The following BCKDHB variants were observed in gnomAD, a reference collection of about 807,000 sequenced individuals.
BCKDHB encodes branched chain keto acid dehydrogenase E1 subunit beta, also known as 2-oxoisovalerate dehydrogenase subunit beta, mitochondrial.
BCKDHB carries 41 observed loss-of-function variants against 48.5 expected under a neutral mutation model. The observed-to-expected ratio is 0.85, with a 90% CI of 0.66 to 1.10. The LOEUF (loss-of-function observed/expected upper bound fraction) is 1.10. Among genes scored for constraint, BCKDHB ranks in the 50% least tolerant of loss-of-function variants. The pLI is 0.00. For missense variants in BCKDHB, 496 were observed against 494.2 expected (o/e 1.00, Z -0.03); for synonymous variants, 201 against 174.8 (o/e 1.15, Z -1.18).
chr6:80,253,459 G>C (rs1174846344), intron 8 of BCKDHB, among the ~76,000 whole-genome samples: 1 of 152,128 alleles, frequency 6.6e-6, no homozygotes, highest in Non-Finnish European at 1.5e-5. Context: ...TTTCTGGAGA[G>C]AGTTTTATTT....
chr6:80,330,820 T>C (rs1364843400), intron 9 of BCKDHB, among the ~76,000 whole-genome samples: 1 of 152,032 alleles, frequency 6.6e-6, no homozygotes, highest in Admixed American at 6.5e-5. Context: ...CATTTGCTCC[T>C]AAAATACCCA....
intron 9 of BCKDHB, among the ~76,000 whole-genome samples, chr6:80,337,842 C>T (rs1546929): frequency 0.78 from 117,997 of 152,044 alleles, 46,161 homozygotes; most frequent in Admixed American, 0.84. Flanking sequence ...GATAATCCTA[C>T]AGGAAACGTA....
chr6:80,294,186 A>C (rs915676054), intron 9 of BCKDHB, among the ~76,000 whole-genome samples: 1 of 152,228 alleles, frequency 6.6e-6, no homozygotes, highest in African/African-American at 2.4e-5. Flanking sequence ...GCTGCGGCAG[A>C]GGAACATAAA....
At chr6:80,126,630 C>G (rs897370552) in intron 1 of BCKDHB, among the ~76,000 whole-genome samples, 2 of 151,852 alleles carry the variant, frequency 1.3e-5, no homozygotes, top group African/African-American at 4.8e-5. Flanking sequence ...GTGGGCCTTT[C>G]GATCGGGAGA....
chr6:80,343,525 A>T, intron 9 of BCKDHB, 139 bp from the exon 10 acceptor site: 1 of 947,300 alleles, frequency 1.1e-6, no homozygotes, highest in Admixed American at 2.4e-5. Flanking sequence ...TGCTTTTTTC[A>T]TATTACAGTA....
At chr6:80,198,459 C>A (rs554399410) in intron 6 of BCKDHB, among the ~76,000 whole-genome samples, 1 of 151,922 alleles carries the variant, frequency 6.6e-6, no homozygotes, top group East Asian at 1.9e-4. Flanking sequence ...TTTATTTAAA[C>A]ATATTAATCA....
intron 1 of BCKDHB, 97 bp downstream of exon 1, chr6:80,106,986 GCATCC>G (rs1324383708): frequency 7.0e-7 from 1 of 1,434,302 alleles, no homozygotes; most frequent in Non-Finnish European, 9.6e-7. Flanking sequence ...TGCAATCCTT[GCATCC>G]CAGCTTATTA....
chr6:80,210,742 G>C (rs377067949), intron 8 of BCKDHB, among the ~76,000 whole-genome samples: 3 of 152,020 alleles, frequency 2.0e-5, no homozygotes, highest in Non-Finnish European at 2.9e-5. Context: ...CACACCCTTC[G>C]TTCAGTTTCT....
At chr6:80,384,261 C>T in the BCKDHB span, among the ~76,000 whole-genome samples, 1 of 152,082 alleles carries the variant, frequency 6.6e-6, no homozygotes, top group Non-Finnish European at 1.5e-5. Context: ...GAGAGACTGG[C>T]CTAGCCTCCC....
intron 9 of BCKDHB, among the ~76,000 whole-genome samples, chr6:80,330,530 A>T (rs1006808180): frequency 3.3e-5 from 5 of 152,108 alleles, no homozygotes; most frequent in African/African-American, 9.7e-5. Flanking sequence ...ATACTTGGAG[A>T]TGTTTTTGCA....
At chr6:80,205,631 A>G (rs1266493272) in intron 8 of BCKDHB, among the ~76,000 whole-genome samples, 3 of 152,064 alleles carry the variant, frequency 2.0e-5, no homozygotes, top group African/African-American at 7.2e-5. Context: ...CAAGGGAGTT[A>G]AAAAATTAGA....
intron 8 of BCKDHB, among the ~76,000 whole-genome samples, chr6:80,239,587 GCAGAAGCTC>G (rs1432268251): frequency 3.3e-5 from 5 of 152,260 alleles, no homozygotes; most frequent in Admixed American, 2.0e-4. Flanking sequence ...CCTTTGCTGT[GCAGAAGCTC>G]TTTAGTTTAA....
At chr6:80,451,376 G>C in the BCKDHB span, among the ~76,000 whole-genome samples, 7 of 152,140 alleles carry the variant, frequency 4.6e-5, no homozygotes, top group Admixed American at 4.6e-4. Context: ...CCATTAGACT[G>C]TGCTTGTAAT....
At chr6:80,411,948 C>A in the BCKDHB span, among the ~76,000 whole-genome samples, 2 of 152,184 alleles carry the variant, frequency 1.3e-5, no homozygotes, top group Admixed American at 6.5e-5. Flanking sequence ...TTTGGCTCAG[C>A]CTCTGTGGGC....
chr6:80,404,007 A>G, the BCKDHB span, among the ~76,000 whole-genome samples: 1 of 151,918 alleles, frequency 6.6e-6, no homozygotes, highest in East Asian at 1.9e-4. Context: ...TTTTGCATCT[A>G]TGCTCATCAG....
chr6:80,232,167 A>G (rs1775953281), intron 8 of BCKDHB, among the ~76,000 whole-genome samples: 1 of 152,188 alleles, frequency 6.6e-6, no homozygotes. Context: ...GATTTTGGAT[A>G]TATCCTACCT....
the BCKDHB span, among the ~76,000 whole-genome samples, chr6:80,398,617 G>A: frequency 6.6e-6 from 1 of 151,330 alleles, no homozygotes; most frequent in African/African-American, 2.4e-5. Context: ...ACAAAAGACA[G>A]CTCAGGAAAA....
In BCKDHB at chr6:80,119,029, C is replaced by T. The variant is rs181447201; in HGVS notation, c.197-8518C>T. Among the ~76,000 whole-genome samples, 419 of 152,242 alleles carry T rather than the reference C, an allele frequency of 2.8e-3. 4 individuals are homozygous for T. The highest frequency in any genetic ancestry group is 9.3e-3 in the African/African-American group (386 of 41,550). On this transcript the variant is annotated intron_variant, in intron 1 of 9. Coordinates refer to ENST00000320393, the MANE Select transcript of BCKDHB (RefSeq NM_183050.4). ...ATGAGGCTGGGCATGGTGGCTCACG[C>T]GTGTAGTCCTACCACTTTGGGAGGC...
chr6:80,423,269 C>T, the BCKDHB span, among the ~76,000 whole-genome samples: 1 of 152,160 alleles, frequency 6.6e-6, no homozygotes, highest in South Asian at 2.1e-4. Flanking sequence ...TTTCCTGAGG[C>T]CTCCTCAGCC....
Sources: gnomAD v4.1 joint callset for allele counts (sites outside exome capture counted in the v4.1 genomes callset) on GRCh38, gnomAD v4.1.1 for gene constraint, MANE v1.5 for transcripts, NCBI Gene and HGNC (gene_info 2026-07-23, HGNC 2026-07-21) for gene names.